BAZ1B: variants seen among roughly 807,000 people sequenced by gnomAD.
The protein encoded by BAZ1B is tyrosine-protein kinase BAZ1B.
Under a neutral mutation model 153.8 loss-of-function variants are expected in BAZ1B, and 22 were observed. The observed-to-expected ratio is 0.14, with a 90% CI of 0.10 to 0.20. The LOEUF (loss-of-function observed/expected upper bound fraction) is 0.20. BAZ1B is among the 10% of genes least tolerant of loss of function. BAZ1B has a pLI of 1.00. For synonymous variants in BAZ1B, 676 were observed against 633.4 expected (o/e 1.07, Z -1.01); for missense variants, 1,325 against 1,799.3 (o/e 0.74, Z 4.77).
intron 6 of BAZ1B, among the ~76,000 whole-genome samples, chr7:73,480,695 G>GA (rs1789165513): frequency 6.6e-6 from 1 of 152,154 alleles, no homozygotes; most frequent in African/African-American, 2.4e-5. Flanking sequence ...AACATGTAAA[G>GA]AAGAAGTCTA....
intron 3 of BAZ1B, among the ~76,000 whole-genome samples, chr7:73,501,494 T>C (rs1286503899): frequency 1.3e-5 from 2 of 152,130 alleles, no homozygotes; most frequent in African/African-American, 2.4e-5. Context: ...CCGAGACATA[T>C]GGCAATGTCT....
chr7:73,459,399 A>C, intron 13 of BAZ1B, 137 bp downstream of exon 13: 1 of 889,918 alleles, frequency 1.1e-6, no homozygotes, highest in Non-Finnish European at 1.7e-6. Flanking sequence ...TAAAAAAAAA[A>C]AAAACACACA....
intron 17 of BAZ1B, among the ~76,000 whole-genome samples, chr7:73,443,112 G>A (rs1165007217): frequency 3.3e-5 from 5 of 152,198 alleles, no homozygotes; most frequent in African/African-American, 9.6e-5. Context: ...GCTGGAGGTC[G>A]GCTGAAGGGG....
intron 12 of BAZ1B, among the ~76,000 whole-genome samples, chr7:73,462,270 C>T (rs1264445974): frequency 6.6e-6 from 1 of 152,068 alleles, no homozygotes; most frequent in African/African-American, 2.4e-5. Context: ...CATCATAGTG[C>T]ATGAGGAATT....
At chr7:73,491,045 T>TG (rs1200610038) in intron 5 of BAZ1B, among the ~76,000 whole-genome samples, 9 of 151,640 alleles carry the variant, frequency 5.9e-5, no homozygotes, top group African/African-American at 2.2e-4. Flanking sequence ...CCCAGTACTT[T>TG]GGGAAGCCGA....
At chr7:73,489,113 G>A in intron 6 of BAZ1B, 81 bp downstream of exon 6, 2 of 1,402,202 alleles carry the variant, frequency 1.4e-6, no homozygotes, top group South Asian at 2.6e-5. Context: ...TTCAAAACCT[G>A]CTATAAATAT....
chr7:73,520,954 T>C lies in BAZ1B; in HGVS notation c.107+873A>G, dbSNP rs11975221. On this transcript the variant is annotated intron_variant, in intron 1 of 19. Coordinates refer to ENST00000339594, the MANE Select transcript of BAZ1B (RefSeq NM_032408.4). ...CAAAAACGATTCTTCTGGCACCCAT[T>C]AAAAAAAAGCAAATAAAAGCTGCAC... Among the ~76,000 whole-genome samples, 736 of 151,794 alleles carry C rather than the reference T, an allele frequency of 4.8e-3. 8 individuals carry two copies. Among genetic ancestry groups the C allele is most frequent in the African/African-American group, 0.017 (703 of 41,418 alleles).
chr7:73,463,138 AC>A, intron 11 of BAZ1B, 39 bp from the exon 12 acceptor site: 1 of 1,516,062 alleles, frequency 6.6e-7, no homozygotes, highest in Non-Finnish European at 8.9e-7. Context: ...AAAGAAACAA[AC>A]TTTTGAAGAT....
At chr7:73,469,954 C>A (rs371361428) in intron 8 of BAZ1B, among the ~76,000 whole-genome samples, 2 of 152,160 alleles carry the variant, frequency 1.3e-5, no homozygotes, top group Non-Finnish European at 2.9e-5. Context: ...GCAATCCTCT[C>A]GACTCAGCCT....
intron 19 of BAZ1B, chr7:73,441,974 AGG>A (rs1787635052): frequency 1.8e-6 from 1 of 546,212 alleles, no homozygotes; most frequent in Non-Finnish European, 3.2e-6. Flanking sequence ...CTCAGAAGGG[AGG>A]GTTATGGCCC....
chr7:73,508,134 G>C (rs1346810628), intron 3 of BAZ1B, among the ~76,000 whole-genome samples, 193 bp downstream of exon 3: 2 of 152,114 alleles, frequency 1.3e-5, no homozygotes, highest in Admixed American at 1.3e-4. Flanking sequence ...CAGCCTTGGC[G>C]ACAGAGTGAG....
At chr7:73,458,250 A>C (rs1325239076) in intron 13 of BAZ1B, among the ~76,000 whole-genome samples, 1 of 152,206 alleles carries the variant, frequency 6.6e-6, no homozygotes, top group African/African-American at 2.4e-5. Flanking sequence ...AGAGAACTAG[A>C]GAGTTGCTTA....
intron 1 of BAZ1B, among the ~76,000 whole-genome samples, chr7:73,516,593 G>A (rs1554579327): frequency 6.6e-6 from 1 of 151,520 alleles, no homozygotes; most frequent in East Asian, 1.9e-4. Flanking sequence ...GACCAGCCTA[G>A]CCAACATGGT....
intron 13 of BAZ1B, among the ~76,000 whole-genome samples, chr7:73,453,017 A>G (rs1788073070): frequency 6.6e-6 from 1 of 152,226 alleles, no homozygotes; most frequent in South Asian, 2.1e-4. Context: ...CACTATTACA[A>G]AAAGAGATTT....
At chr7:73,511,171 G>C (rs1242195070) in intron 1 of BAZ1B, among the ~76,000 whole-genome samples, 1 of 152,082 alleles carries the variant, frequency 6.6e-6, no homozygotes, top group Non-Finnish European at 1.5e-5. Context: ...AGGAGGCTGA[G>C]GCAGGAGAAT....
chr7:73,521,726 G>A, intron 1 of BAZ1B, 101 bp downstream of exon 1: 5 of 1,007,700 alleles, frequency 5.0e-6, no homozygotes, highest in South Asian at 2.2e-5. Flanking sequence ...GCTGACAGCT[G>A]CCCCGGGCCG....
Position 73,522,024 on chromosome 7 carries a change from C to T in BAZ1B, c.-91G>A, listed in dbSNP as rs1791079941. ...CGGCCCGGAGCGAGCGCCAGGCGCCCGGGGGTGGGGTGGGGGAAGGGAGGG... is the reference window on the plus strand; with the variant it reads ...CGGCCCGGAGCGAGCGCCAGGCGCCTGGGGGTGGGGTGGGGGAAGGGAGGG... On this transcript the variant is annotated 5_prime_UTR_variant, in exon 1 of 20. Coordinates refer to ENST00000339594, the MANE Select transcript of BAZ1B (RefSeq NM_032408.4). 5.6e-6 allele frequency: 2 copies of T among 358,868 alleles called. No individual in the cohort carries two copies. Among genetic ancestry groups the T allele is most frequent in the African/African-American group, 4.5e-5 (2 of 44,808 alleles). 22.2% of individuals were successfully genotyped at this position (358,868 alleles called of 1,614,324 possible). A position where few individuals can be genotyped will look rare whatever the true frequency, so the allele number is the denominator to read the frequency against.
chr7:73,457,127 T>C (rs1174745520), intron 13 of BAZ1B, among the ~76,000 whole-genome samples: 3 of 151,944 alleles, frequency 2.0e-5, no homozygotes, highest in Non-Finnish European at 4.4e-5. Flanking sequence ...CTACTGGGTA[T>C]ACACTGAAAA....
chr7:73,483,611 T>TCTG (rs1312223148), intron 6 of BAZ1B, among the ~76,000 whole-genome samples: 1 of 152,178 alleles, frequency 6.6e-6, no homozygotes, highest in Non-Finnish European at 1.5e-5. Context: ...TTAAAGTACT[T>TCTG]CTGTTCTAAC....
Sources: gnomAD v4.1 joint callset for allele counts (sites outside exome capture counted in the v4.1 genomes callset) on GRCh38, gnomAD v4.1.1 for gene constraint, MANE v1.5 for transcripts, NCBI Gene and HGNC (gene_info 2026-07-23, HGNC 2026-07-21) for gene names.